The following CNBD1 variants were observed in gnomAD, a reference collection of about 807,000 sequenced individuals.
The protein encoded by CNBD1 is cyclic nucleotide-binding domain-containing protein 1.
A neutral mutation model predicts 54.4 loss-of-function variants in CNBD1; 71 were observed. The ratio of observed to expected loss-of-function variants is 1.30; its 90% CI spans 1.08 to 1.59. CNBD1 has a LOEUF of 1.59. CNBD1 is among the 40% of genes most tolerant of loss of function. The pLI is 0.00. For synonymous variants in CNBD1, 182 were observed against 170.7 expected, an observed-to-expected ratio of 1.07 and a Z score of -0.51; for missense variants, 659 against 518.0, an observed-to-expected ratio of 1.27 and a Z score of -2.64.
chr8:87,272,186 T>A (rs1300324955), intron 6 of CNBD1, among the ~76,000 whole-genome samples: 1 of 151,946 alleles, frequency 6.6e-6, no homozygotes, highest in Non-Finnish European at 1.5e-5. Flanking sequence ...AGGATGATTA[T>A]AGTTAACATT....
chr8:87,185,050 A>G (rs1036293090), intron 4 of CNBD1, among the ~76,000 whole-genome samples: 1 of 151,990 alleles, frequency 6.6e-6, no homozygotes, highest in Admixed American at 6.5e-5. Context: ...TTTGTTACTG[A>G]TTTCTAAATT....
chr8:87,327,537 G>C (rs530571796), intron 8 of CNBD1, among the ~76,000 whole-genome samples: 1 of 152,188 alleles, frequency 6.6e-6, no homozygotes, highest in African/African-American at 2.4e-5. Flanking sequence ...TCTGAAAAGC[G>C]CAATATTCGG....
chr8:87,339,235 A>G (rs897882433), intron 8 of CNBD1, among the ~76,000 whole-genome samples: 1 of 152,216 alleles, frequency 6.6e-6, no homozygotes, highest in African/African-American at 2.4e-5. Flanking sequence ...TACTATAAGT[A>G]CATGCTAAAA....
At chr8:87,392,872 G>A (rs887682667) in intron 2 of CNBD1, among the ~76,000 whole-genome samples, 2 of 151,944 alleles carry the variant, frequency 1.3e-5, no homozygotes, top group African/African-American at 4.8e-5. Context: ...TCTGGGACTA[G>A]CTTGGGAATA....
chr8:86,884,839 C>T lies in CNBD1; in HGVS notation c.89-2703C>T, dbSNP rs187831726. ...TCATATTAAGCAAGGTTCCATTTAT[C>T]ATTGGATTAATTATTAGAGTATGTA... On this transcript the variant is annotated intron_variant, in intron 1 of 10. Coordinates refer to ENST00000518476, the MANE Select transcript of CNBD1 (RefSeq NM_173538.3). Among the ~76,000 whole-genome samples the T allele has an allele frequency of 2.0e-5, 3 of 152,292 alleles. No individual in the cohort carries two copies. The East Asian group carries it at 5.8e-4, about 29-fold the overall frequency.
intron 10 of CNBD1, among the ~76,000 whole-genome samples, chr8:87,359,372 T>C (rs78879138): frequency 0.019 from 2,838 of 152,250 alleles, 89 homozygotes; most frequent in African/African-American, 0.062. Context: ...CCTAATTGAA[T>C]ATTCTCTAAA....
chr8:87,140,227 C>T (rs1423308382), intron 4 of CNBD1, among the ~76,000 whole-genome samples: 1 of 152,108 alleles, frequency 6.6e-6, no homozygotes, highest in Admixed American at 6.6e-5. Context: ...CTCTCTCTCT[C>T]TCTGTCTCTC....
intron 8 of CNBD1, among the ~76,000 whole-genome samples, chr8:87,340,059 T>A (rs1810034163): frequency 6.6e-6 from 1 of 152,232 alleles, no homozygotes; most frequent in Non-Finnish European, 1.5e-5. Flanking sequence ...TTAGCATGTT[T>A]TGCCTAAGGC....
chr8:87,097,043 G>A (rs1378360636), intron 4 of CNBD1, among the ~76,000 whole-genome samples: 1 of 151,994 alleles, frequency 6.6e-6, no homozygotes, highest in African/African-American at 2.4e-5. Flanking sequence ...TATTTCCAGA[G>A]TACTACTTGA....
intron 4 of CNBD1, among the ~76,000 whole-genome samples, chr8:87,160,275 A>G (rs1369691715): frequency 6.6e-6 from 1 of 152,010 alleles, no homozygotes; most frequent in African/African-American, 2.4e-5. Context: ...GTTATAAAAT[A>G]TGTTAAAATA....
At chr8:87,375,086 T>G (rs1810897858) in intron 10 of CNBD1, among the ~76,000 whole-genome samples, 1 of 151,886 alleles carries the variant, frequency 6.6e-6, no homozygotes, top group Admixed American at 6.6e-5. Context: ...TACAGTACAT[T>G]TAGAAATGAA....
rs369234792 is a variant in CNBD1 at position 87,274,132 on chromosome 8, A to G, written c.772-10546A>G. Reference sequence around the variant, plus strand: ...TTTTTATGGCTGCATAGTATTCCATAGTGTATATGTGCCACATTTTCTTAA... The same window carrying G: ...TTTTTATGGCTGCATAGTATTCCATGGTGTATATGTGCCACATTTTCTTAA... On this transcript the variant is annotated intron_variant, in intron 6 of 10. Transcript: ENST00000518476. Among the ~76,000 whole-genome samples the G allele has an allele frequency of 7.9e-5, 12 of 151,870 alleles. No homozygotes were observed. The East Asian group carries it at 1.2e-3, about 15-fold the overall frequency.
At chr8:86,892,566 G>A (rs1280707553) in intron 2 of CNBD1, among the ~76,000 whole-genome samples, 1 of 151,924 alleles carries the variant, frequency 6.6e-6, no homozygotes, top group Non-Finnish European at 1.5e-5. Context: ...GAAATGTTAT[G>A]CTTTTATAAT....
At chr8:86,904,711 A>G (rs1808989879) in intron 2 of CNBD1, among the ~76,000 whole-genome samples, 1 of 152,140 alleles carries the variant, frequency 6.6e-6, no homozygotes, top group Non-Finnish European at 1.5e-5. Flanking sequence ...AAAGATTCAA[A>G]TAAATACTCT....
intron 4 of CNBD1, among the ~76,000 whole-genome samples, chr8:87,036,143 A>C (rs970893795): frequency 6.6e-6 from 1 of 152,188 alleles, no homozygotes; most frequent in African/African-American, 2.4e-5. Context: ...TTGCAATTCT[A>C]GACATTTTCT....
intron 4 of CNBD1, among the ~76,000 whole-genome samples, chr8:87,129,726 GGTTAT>G (rs1476779756): frequency 2.0e-5 from 3 of 151,732 alleles, no homozygotes; most frequent in Non-Finnish European, 4.4e-5. Flanking sequence ...CCATAATTTA[GGTTAT>G]GTTGTTATTT....
At chr8:87,134,857 C>T (rs1012857231) in intron 4 of CNBD1, among the ~76,000 whole-genome samples, 12 of 151,948 alleles carry the variant, frequency 7.9e-5, no homozygotes, top group Non-Finnish European at 1.2e-4. Context: ...GATCTGCCCG[C>T]CTCAGCCTCC....
chr8:87,263,978 G>T (rs1808195916), intron 6 of CNBD1, among the ~76,000 whole-genome samples: 1 of 151,890 alleles, frequency 6.6e-6, no homozygotes, highest in South Asian at 2.1e-4. Flanking sequence ...ACTTTATGTT[G>T]AGTATTAAAA....
chr8:87,038,325 C>G (rs536588051), intron 4 of CNBD1, among the ~76,000 whole-genome samples: 1 of 152,108 alleles, frequency 6.6e-6, no homozygotes, highest in Non-Finnish European at 1.5e-5. Flanking sequence ...TTAATTGACG[C>G]GAGACTGGCT....
Sources: allele counts gnomAD v4.1 joint callset (sites outside exome capture counted in the v4.1 genomes callset), GRCh38; gene constraint gnomAD v4.1.1; transcripts MANE v1.5; gene names NCBI Gene and HGNC (gene_info 2026-07-23, HGNC 2026-07-21).